MUC17: variants seen among roughly 807,000 people sequenced by gnomAD.
MUC17 encodes the protein mucin-17.
MUC17 carries 190 observed loss-of-function variants against 170.3 expected under a neutral mutation model. That is an observed-to-expected ratio of 1.12 (90% confidence interval 0.99 to 1.26). The LOEUF (loss-of-function observed/expected upper bound fraction) is 1.26. MUC17 is among the 50% of genes most tolerant of loss of function. MUC17 has a pLI of 0.00. For missense variants in MUC17, 6,415 were observed against 5,530.0 expected (o/e 1.16, Z -5.08); for synonymous variants, 2,325 against 2,002.5 (o/e 1.16, Z -4.30).
chr7:101,056,929 C>T (rs570172395), intron 12 of MUC17, among the ~76,000 whole-genome samples: 74 of 151,954 alleles, frequency 4.9e-4, no homozygotes, highest in Non-Finnish European at 9.1e-4. Context: ...CTAGAATGGG[C>T]TCCTACATTT....
In MUC17 at chr7:101,032,644, G is replaced by A. The variant is rs757587418; in HGVS notation, c.1228G>A (p.Ala410Thr). 9.3e-6 allele frequency: 15 copies of A among 1,613,200 alleles called. No individual in the cohort carries two copies. Among genetic ancestry groups the A allele is most frequent in the Non-Finnish European group, 1.0e-5 (12 of 1,179,552 alleles). Residue 410 changes from alanine to threonine, a missense_variant, in exon 3 of 13, where the codon GCT becomes ACT. Ala to Thr is a moderately conservative substitution (Grantham distance 58, BLOSUM62 0). Coordinates refer to ENST00000306151, the MANE Select transcript of MUC17 (RefSeq NM_001040105.2). ...CACCATATTGGTGGCCAGTTCTGAG[G>A]CTAGCACCACTTCAACAATTCCTGT... ...VSTILVASSEASTTSTIPVDS... is the reference protein window; with the variant it reads ...VSTILVASSETSTTSTIPVDS...
At position 101,024,864 on chromosome 7, in the gene MUC17, TA is replaced by T. The variant is rs746002840; in HGVS notation, c.82+4654del. Among the ~76,000 whole-genome samples the T allele has an allele frequency of 3.3e-5, 5 of 151,474 alleles. No individual in the cohort carries two copies. In the East Asian group the frequency reaches 7.8e-4, roughly 24 times the overall value. On this transcript the variant is annotated intron_variant, in intron 1 of 12. Transcript: ENST00000306151. The stretch of plus-strand genomic sequence containing the variant: ...TGATGGGAGGGAGCAGGCCTTCTTT[TA>T]AAAAAAGAAATCGTTGACCAGGAGC...
chr7:101,037,036 G>A lies in MUC17; in HGVS notation c.5620G>A (p.Val1874Ile). Residue 1874 changes from valine (V) to isoleucine (I), a missense_variant, in exon 3 of 13, where the codon GTC becomes ATC. By Grantham distance (29) the Val-to-Ile change is conservative (BLOSUM62 3). Transcript: ENST00000306151. ...AAGCACTGCATTAACAAGTATACCT[G>A]TCAGCACCACAACAGTGGCCAGTTC... Reference protein sequence around the residue: ...EGSTALTSIPVSTTTVASSET... With the variant: ...EGSTALTSIPISTTTVASSET... 1 of 1,583,090 alleles carries A rather than the reference G, an allele frequency of 6.3e-7. No homozygotes were observed. Among genetic ancestry groups the A allele is most frequent in the East Asian group, 2.7e-5 (1 of 37,070 alleles).
In MUC17 at chr7:101,038,039, C is replaced by T. The variant is rs557614802; in HGVS notation, c.6623C>T (p.Thr2208Ile). The T allele has an allele frequency of 1.3e-6, 2 of 1,587,184 alleles. No homozygotes were observed. Among genetic ancestry groups the T allele is most frequent in the Non-Finnish European group, 8.6e-7 (1 of 1,166,610 alleles). ...ARSSPTTSEGTSMPTSTPSEG... is the reference protein window; with the variant it reads ...ARSSPTTSEGISMPTSTPSEG... ...TCATCTCCTACAACTTCTGAAGGTA[C>T]CAGCATGCCAACCTCAACTCCTAGT... The change falls in exon 3 of 13, where the codon ACC (threonine) becomes ATC (isoleucine). Residue 2208 changes from threonine (T) to isoleucine (I), a missense_variant. Transcript: ENST00000306151.
chr7:101,031,816 G>A lies in MUC17; in HGVS notation c.400G>A (p.Glu134Lys), dbSNP rs1794285525. 6.2e-7 allele frequency: 1 copy of A among 1,612,770 alleles called. No homozygotes were observed. Among genetic ancestry groups the A allele is most frequent in the Non-Finnish European group, 8.5e-7 (1 of 1,178,864 alleles). Residue 134 changes from glutamate to lysine, a missense_variant, in exon 3 of 13, where the codon GAA (glutamate) becomes AAA (lysine). Coordinates refer to ENST00000306151, the MANE Select transcript of MUC17 (RefSeq NM_001040105.2). ...CACCACACTTTTCCCCAGTTCTACT[G>A]AAGACACTTCATCTCCTACAACTCC... ...DSTTLFPSST[E>K]DTSSPTTPEG...
At chr7:101,031,006 A>C in intron 1 of MUC17, 114 bp from the exon 2 acceptor site, 1 of 1,279,156 alleles carries the variant, frequency 7.8e-7, no homozygotes, top group African/African-American at 1.5e-5. Flanking sequence ...TAAAATCAGC[A>C]GGCTGGTTCA....
In MUC17 at chr7:101,039,250, A is replaced by G. The variant is rs1584867892; in HGVS notation, c.7834A>G (p.Ser2612Gly). The part of the protein sequence containing the change: ...SIPVTTSTET[S>G]SSPTTAKDTS... The stretch of plus-strand genomic sequence containing the variant: ...ACCTGTCACCACTTCTACTGAAACC[A>G]GTTCATCTCCTACAACTGCAAAAGA... The change falls in exon 3 of 13, where the codon AGT becomes GGT. Residue 2612 changes from serine (S) to glycine (G), a missense_variant. By Grantham distance (56) the Ser-to-Gly change is moderately conservative (BLOSUM62 0). Transcript: ENST00000306151. 7 of 1,613,748 alleles carry G rather than the reference A, an allele frequency of 4.3e-6. No homozygotes were observed. The highest frequency in any genetic ancestry group is 5.9e-6 in the Non-Finnish European group (7 of 1,179,962).
chr7:101,034,209 C>G lies in MUC17; in HGVS notation c.2793C>G (p.Asp931Glu). ...GCACTCCATTAACAAGTATGCCTGACAGCACCACGCCGGTAGTCAGTTCTG... is the reference window on the plus strand; with the variant it reads ...GCACTCCATTAACAAGTATGCCTGAGAGCACCACGCCGGTAGTCAGTTCTG... The part of the protein sequence containing the change: ...EGSTPLTSMP[D>E]STTPVVSSEA... The change falls in exon 3 of 13, where the codon GAC (aspartate) becomes GAG (glutamate). Residue 931 changes from aspartate (D) to glutamate (E), a missense_variant. By Grantham distance (45) the Asp-to-Glu change is conservative. Transcript: ENST00000306151. The G allele has an allele frequency of 1.9e-6, 3 of 1,600,508 alleles. No individual in the cohort carries two copies. Among genetic ancestry groups the G allele is most frequent in the Non-Finnish European group, 2.6e-6 (3 of 1,173,238 alleles).
Position 101,042,983 on chromosome 7 carries a change from C to T in MUC17, c.11567C>T (p.Ser3856Phe), listed in dbSNP as rs1478221727. The T allele has an allele frequency of 6.2e-7, 1 of 1,614,174 alleles. No homozygotes were observed. ...LLTSTKAGSF[S>F]IPAEVTTIRI... ...ACCTCTACCAAAGCCGGTTCATTCT[C>T]CATACCTGCTGAAGTCACTACCATA... The change falls in exon 3 of 13, where the codon TCC becomes TTC. Residue 3856 changes from serine to phenylalanine, a missense_variant. By Grantham distance (155) the Ser-to-Phe change is radical. Coordinates refer to ENST00000306151, the MANE Select transcript of MUC17 (RefSeq NM_001040105.2).
At position 101,041,697 on chromosome 7, in the gene MUC17, C is replaced by T; in HGVS notation, c.10281C>T (p.Asn3427=). The T allele has an allele frequency of 6.2e-7, 1 of 1,613,970 alleles. No individual in the cohort carries two copies. The highest frequency in any genetic ancestry group is 1.7e-5 in the Admixed American group (1 of 60,012). The change falls in exon 3 of 13, where the codon AAC becomes AAT. Residue 3427 remains asparagine, a synonymous_variant. Transcript: ENST00000306151. ...TTTCAACAACTCCTGTGGACTCCAA[C>T]ACTCTGGTGACCACTTCTACTGAAG... ...NTLSTTPVDS[N]TLVTTSTEAS...
In MUC17 at chr7:101,043,419, C is replaced by G; in HGVS notation, c.12003C>G (p.Pro4001=). The G allele has an allele frequency of 6.2e-7, 1 of 1,614,168 alleles. No individual in the cohort carries two copies. Among genetic ancestry groups the G allele is most frequent in the Non-Finnish European group, 8.5e-7 (1 of 1,180,030 alleles). ...FTTPAMTTAA[P]LTYVTMSTAP... ...CACCCGCAATGACTACTGCAGCTCC[C>G]CTCACATATGTGACCATGTCTACTG... The change falls in exon 3 of 13, where the codon CCC becomes CCG. Residue 4001 remains proline (P), a synonymous_variant. Coordinates refer to ENST00000306151, the MANE Select transcript of MUC17 (RefSeq NM_001040105.2).
At chr7:101,051,772 G>C in intron 8 of MUC17, 31 bp from the exon 9 acceptor site, 1 of 1,609,522 alleles carries the variant, frequency 6.2e-7, no homozygotes, top group Non-Finnish European at 8.5e-7. Flanking sequence ...CTCTGATCAC[G>C]GCTGTTCCCT....
Position 101,038,644 on chromosome 7 carries a change from G to C in MUC17, c.7228G>C (p.Val2410Leu), listed in dbSNP as rs749752721. 1.2e-6 allele frequency: 2 copies of C among 1,613,876 alleles called. No individual in the cohort carries two copies. Among genetic ancestry groups the C allele is most frequent in the African/African-American group, 2.7e-5 (2 of 74,872 alleles). ...TSVPVSTMPVVSSEASTHSTT... is the reference protein window; with the variant it reads ...TSVPVSTMPVLSSEASTHSTT... Reference sequence around the variant, plus strand: ...TGTGCCTGTCAGCACCATGCCGGTGGTCAGTTCTGAGGCTAGCACCCATTC... The same window carrying C: ...TGTGCCTGTCAGCACCATGCCGGTGCTCAGTTCTGAGGCTAGCACCCATTC... Residue 2410 changes from valine to leucine, a missense_variant, in exon 3 of 13, where the codon GTC (valine) becomes CTC (leucine). Transcript: ENST00000306151.
At chr7:101,027,637 T>C (rs947541659) in intron 1 of MUC17, among the ~76,000 whole-genome samples, 2 of 152,208 alleles carry the variant, frequency 1.3e-5, no homozygotes, top group Non-Finnish European at 2.9e-5. Flanking sequence ...CTTATAGTTT[T>C]TATCAAGTTT....
rs145837075 is a variant in MUC17, at chr7:101,039,090, C to T, written c.7674C>T (p.Ser2558=). 2.4e-4 allele frequency: 378 copies of T among 1,607,720 alleles called. 1 individual carries two copies. Among genetic ancestry groups the T allele is most frequent in the Middle Eastern group, 1.7e-4 (1 of 6,030 alleles). ...CTGAAATCAGTTCATCTGCTACATC[C>T]GCTGAAGGTACCAGCATGCCTACCT... ...TSTEISSSAT[S]AEGTSMPTST... Residue 2558 remains serine (S), a synonymous_variant, in exon 3 of 13, where the codon TCC becomes TCT. Transcript: ENST00000306151.
Position 101,053,087 on chromosome 7 carries a change from T to A in MUC17, c.13205T>A (p.Met4402Lys), listed in dbSNP as rs775662534. Residue 4402 changes from methionine to lysine, a missense_variant, in exon 10 of 13, where the codon ATG (methionine) becomes AAG (lysine). Met to Lys is a moderately conservative substitution (Grantham distance 95). Coordinates refer to ENST00000306151, the MANE Select transcript of MUC17 (RefSeq NM_001040105.2). Reference sequence around the variant, plus strand: ...CTCGTGGGGGCAGGGGTCGTGCTGATGCTGATCATCCTGGTAGCTCTCCTG... The same window carrying A: ...CTCGTGGGGGCAGGGGTCGTGCTGAAGCTGATCATCCTGGTAGCTCTCCTG... ...YGLVGAGVVLMLIILVALLML... is the reference protein window; with the variant it reads ...YGLVGAGVVLKLIILVALLML... The A allele has an allele frequency of 1.2e-6, 2 of 1,614,030 alleles. No homozygotes were observed. Among genetic ancestry groups the A allele is most frequent in the African/African-American group, 2.7e-5 (2 of 74,902 alleles).
chr7:101,031,820 A>G lies in MUC17; in HGVS notation c.404A>G (p.Asp135Gly), dbSNP rs370094020. The G allele has an allele frequency of 6.2e-7, 1 of 1,612,882 alleles. No homozygotes were observed. Among genetic ancestry groups the G allele is most frequent in the Non-Finnish European group, 8.5e-7 (1 of 1,178,938 alleles). The stretch of plus-strand genomic sequence containing the variant: ...ACACTTTTCCCCAGTTCTACTGAAG[A>G]CACTTCATCTCCTACAACTCCTGAA... ...STTLFPSSTEDTSSPTTPEGT... is the reference protein window; with the variant it reads ...STTLFPSSTEGTSSPTTPEGT... Residue 135 changes from aspartate (D) to glycine (G), a missense_variant, in exon 3 of 13, where the codon GAC becomes GGC. Coordinates refer to ENST00000306151, the MANE Select transcript of MUC17 (RefSeq NM_001040105.2).
Position 101,032,386 on chromosome 7 carries a change from A to G in MUC17, c.970A>G (p.Ile324Val). ...SSPTTAEGTS[I>V]PTSTYTEGST... ...TCCTACAACGGCTGAAGGCACCAGC[A>G]TACCAACCTCAACTTATACTGAAGG... Residue 324 changes from isoleucine (I) to valine (V), a missense_variant, in exon 3 of 13, where the codon ATA (isoleucine) becomes GTA (valine). Transcript: ENST00000306151. The G allele has an allele frequency of 6.2e-7, 1 of 1,613,742 alleles. No homozygotes were observed. The highest frequency in any genetic ancestry group is 8.5e-7 in the Non-Finnish European group (1 of 1,179,904).
chr7:101,057,594 T>A (rs1795070052), intron 12 of MUC17, among the ~76,000 whole-genome samples: 1 of 152,042 alleles, frequency 6.6e-6, no homozygotes, highest in Middle Eastern at 3.2e-3. Flanking sequence ...GAAATAATAA[T>A]CATAGCCAGG....
Sources: allele counts gnomAD v4.1 joint callset (sites outside exome capture counted in the v4.1 genomes callset), GRCh38; gene constraint gnomAD v4.1.1; transcripts MANE v1.5; gene names NCBI Gene and HGNC (gene_info 2026-07-23, HGNC 2026-07-21).